Variants in NDUFA10 observed in about 807,000 individuals in gnomAD.
NDUFA10 encodes the protein NADH dehydrogenase [ubiquinone] 1 alpha subcomplex subunit 10, mitochondrial.
A neutral mutation model predicts 47.8 loss-of-function variants in NDUFA10; 40 were observed. That is an observed-to-expected ratio of 0.84 (90% confidence interval 0.65 to 1.09). The LOEUF (loss-of-function observed/expected upper bound fraction) is 1.09, where lower values mean the gene tolerates loss of function less well. Among genes scored for constraint, NDUFA10 ranks in the 50% least tolerant of loss-of-function variants. The pLI, the probability that NDUFA10 is intolerant of heterozygous loss-of-function variation, is 0.00. For missense variants in NDUFA10, 413 were observed against 451.1 expected, an observed-to-expected ratio of 0.92 and a Z score of 0.76; for synonymous variants, 183 against 172.2, an observed-to-expected ratio of 1.06 and a Z score of -0.49.
At chr2:239,974,271 G>GT (rs1695421240) in intron 9 of NDUFA10, among the ~76,000 whole-genome samples, 1 of 152,220 alleles carries the variant, frequency 6.6e-6, no homozygotes, top group African/African-American at 2.4e-5. Flanking sequence ...TGAGGCATCA[G>GT]TGCCCTAGCG....
intron 1 of NDUFA10, among the ~76,000 whole-genome samples, 185 bp from the exon 2 acceptor site, chr2:240,022,525 C>T (rs1346764944): frequency 6.6e-6 from 1 of 151,950 alleles, no homozygotes; most frequent in Non-Finnish European, 1.5e-5. Flanking sequence ...ATGTAAGTTT[C>T]GTTAAAGGCA....
In NDUFA10 at chr2:239,995,869, A is replaced by G. The variant is rs117249566; in HGVS notation, c.891-5687T>C. Among the ~76,000 whole-genome samples the G allele has an allele frequency of 1.2e-4, 19 of 152,374 alleles. No individual in the cohort carries two copies. The East Asian group carries it at 3.7e-3, about 29-fold the overall frequency. On this transcript the variant is annotated intron_variant, in intron 8 of 9. Coordinates refer to ENST00000252711, the MANE Select transcript of NDUFA10 (RefSeq NM_004544.4). ...GCATTACATAACGATAAAGCGGCCA[A>G]TTCTTCAAGAAGATAATAACCTAAG...
intron 5 of NDUFA10, chr2:240,014,102 A>C: frequency 6.5e-6 from 1 of 152,824 alleles, no homozygotes; most frequent in African/African-American, 2.4e-5. Flanking sequence ...AAAACAAAGA[A>C]CTCGCCACAG....
chr2:240,000,773 G>A (rs1000882379), intron 8 of NDUFA10, among the ~76,000 whole-genome samples: 1 of 152,090 alleles, frequency 6.6e-6, no homozygotes, highest in Non-Finnish European at 1.5e-5. Flanking sequence ...ACTTACCGTC[G>A]TGTTACAACT....
At chr2:239,995,875 C>G (rs1043185348) in intron 8 of NDUFA10, among the ~76,000 whole-genome samples, 7 of 152,308 alleles carry the variant, frequency 4.6e-5, no homozygotes, top group African/African-American at 1.7e-4. Flanking sequence ...GCCAATTCTT[C>G]AAGAAGATAA....
chr2:240,004,688 G>A (rs1057069319), intron 8 of NDUFA10, among the ~76,000 whole-genome samples: 5 of 149,248 alleles, frequency 3.4e-5, no homozygotes, highest in Non-Finnish European at 4.4e-5. Flanking sequence ...GCTGCTGGGC[G>A]CACCTTCCCA....
chr2:239,956,379 A>G (rs1574805510), downstream of NDUFA10, among the ~76,000 whole-genome samples: 1 of 152,212 alleles, frequency 6.6e-6, no homozygotes. Flanking sequence ...CTCTGGCTGC[A>G]GAGGGGGTAG....
chr2:239,915,299 GAGAC>G lies in NDUFA10; in HGVS notation c.295-19989_295-19986del, dbSNP rs1304088438. On this transcript the variant is annotated intron_variant, in intron 4 of 5. Coordinates refer to the NDUFA10 transcript ENST00000419408. ...ACACAAATATACAGACACAGACAGA[GAGAC>G]AGAGATAAACATACACACACACACA... is the stretch of plus-strand genomic sequence containing the variant. Among the ~76,000 whole-genome samples the G allele has an allele frequency of 1.6e-3, 223 of 141,700 alleles. 7 individuals are homozygous for G. The highest frequency in any genetic ancestry group is 5.4e-3 in the African/African-American group (198 of 36,816). 93.0% of individuals were successfully genotyped at this position (141,700 alleles called of 152,430 possible).
intron 8 of NDUFA10, among the ~76,000 whole-genome samples, chr2:240,004,951 T>C (rs183861616): frequency 2.6e-4 from 39 of 152,324 alleles, no homozygotes; most frequent in African/African-American, 8.7e-4. Flanking sequence ...AAGAATTTTA[T>C]CTGACACTAT....
rs1488268038 is a variant in NDUFA10 at position 239,906,989 on chromosome 2, C to T, written c.295-11675G>A. On this transcript the variant is annotated intron_variant, in intron 4 of 5. Transcript: ENST00000419408. This position sits in a 1 kb window ranked among gnomAD's most constrained non-coding sequence, Gnocchi z 4.3. The stretch of plus-strand genomic sequence containing the variant: ...CAAAAGAACAAAGCTGGAGGCATCA[C>T]ACTACCTGACTTCAAACTATACTAC... Among the ~76,000 whole-genome samples, 1 of 152,202 alleles carries T rather than the reference C, an allele frequency of 6.6e-6. No individual in the cohort carries two copies.
At position 239,926,860 on chromosome 2, in the gene NDUFA10, C is replaced by T. The variant is rs543972047; in HGVS notation, c.295-31546G>A. 4.6e-5 allele frequency among the ~76,000 whole-genome samples: 7 copies of T among 152,302 alleles called. No individual in the cohort carries two copies. The East Asian group carries it at 1.3e-3, about 29-fold the overall frequency. ...AAAGAGGTTTAATGGACTCACAGTTCCACATGGCTGGGGAGGCCTCACAAT... is the reference window on the plus strand; with the variant it reads ...AAAGAGGTTTAATGGACTCACAGTTTCACATGGCTGGGGAGGCCTCACAAT... On this transcript the variant is annotated intron_variant, in intron 4 of 5. Coordinates refer to the NDUFA10 transcript ENST00000419408.
At chr2:239,961,828 C>T (rs563202584) in intron 9 of NDUFA10, among the ~76,000 whole-genome samples, 71 of 152,322 alleles carry the variant, frequency 4.7e-4, no homozygotes, top group Non-Finnish European at 5.9e-4. Context: ...CCAGGAGGAG[C>T]GGATGCTGCC....
intron 8 of NDUFA10, among the ~76,000 whole-genome samples, chr2:240,004,489 C>T (rs927267364): frequency 1.3e-5 from 2 of 149,236 alleles, no homozygotes; most frequent in Admixed American, 6.7e-5. Context: ...AAGACCTATC[C>T]GCCTTCTGCT....
chr2:239,984,715 A>T (rs181634954), intron 9 of NDUFA10, among the ~76,000 whole-genome samples: 12 of 152,350 alleles, frequency 7.9e-5, no homozygotes, highest in African/African-American at 2.2e-4. Context: ...CAGGCTGTAA[A>T]GGCAACAGGG....
At chr2:239,895,062 C>T (rs1291432219) in intron 5 of NDUFA10, 8 of 225,754 alleles carry the variant, frequency 3.5e-5, no homozygotes, top group Non-Finnish European at 5.7e-5. Context: ...CTATCTTAGC[C>T]GGGCACTGGC....
Position 239,928,051 on chromosome 2 carries a change from G to C in NDUFA10, c.295-32737C>G, listed in dbSNP as rs7371115. ...CACAAAACACCAGTACCCAGGTAAA[G>C]AGCGACTGAAGTCAAGAAGGGCCCT... is the stretch of plus-strand genomic sequence containing the variant. On this transcript the variant is annotated intron_variant, in intron 4 of 5. Transcript: ENST00000419408. The surrounding 1 kb of genome is among the most constrained non-coding windows in gnomAD (Gnocchi z 4.3). Among the ~76,000 whole-genome samples the C allele has an allele frequency of 0.62, 94,910 of 151,948 alleles. 29,886 individuals are homozygous for C. Among genetic ancestry groups the C allele is most frequent in the African/African-American group, 0.7 (28,818 of 41,416 alleles).
chr2:240,001,559 T>G (rs1696718300), intron 8 of NDUFA10, among the ~76,000 whole-genome samples: 2 of 152,308 alleles, frequency 1.3e-5, no homozygotes, highest in South Asian at 4.1e-4. Context: ...GACAGGTGAG[T>G]GGCTGAGTCC....
chr2:239,983,913 C>T (rs896726565), intron 9 of NDUFA10, among the ~76,000 whole-genome samples: 5 of 152,096 alleles, frequency 3.3e-5, no homozygotes, highest in African/African-American at 4.8e-5. Context: ...CTAAGGTAAT[C>T]TGAATAATTC....
intron 4 of NDUFA10, among the ~76,000 whole-genome samples, chr2:239,941,684 C>T (rs1337977245): frequency 1.3e-5 from 2 of 150,586 alleles, no homozygotes; most frequent in African/African-American, 2.4e-5. Flanking sequence ...AAGATCGCAC[C>T]ACTGCACTCC....
Sources: gnomAD v4.1 joint callset for allele counts (sites outside exome capture counted in the v4.1 genomes callset) on GRCh38, gnomAD v4.1.1 for gene constraint, Gnocchi (gnomAD v3.1) non-coding constraint, MANE v1.5 for transcripts, NCBI Gene and HGNC (gene_info 2026-07-23, HGNC 2026-07-21) for gene names.